Variants in CEP83 observed in about 807,000 individuals in gnomAD.
CEP83 encodes the protein centrosomal protein 83.
In CEP83, 70 loss-of-function variants were observed where a neutral mutation model predicts 101.9. The ratio of observed to expected loss-of-function variants is 0.69; its 90% CI spans 0.57 to 0.84. The LOEUF is 0.84. CEP83 is among the 40% of genes least tolerant of loss of function. The pLI, the probability that CEP83 is intolerant of heterozygous loss-of-function variation, is 0.00. For missense variants in CEP83, 715 were observed against 787.2 expected, an observed-to-expected ratio of 0.91 and a Z score of 1.10; for synonymous variants, 264 against 267.9, an observed-to-expected ratio of 0.99 and a Z score of 0.14.
In CEP83 at chr12:94,312,942, ATTC is replaced by A; in HGVS notation, c.1780_1782del (p.Glu594del). On this transcript the variant is annotated inframe_deletion, in exon 15 of 17. Transcript: ENST00000397809. ...TTTAAGACCTGATTTTCTGTTTCCA[ATTC>A]TTCTTTCTTTGCCTCCAAGACTTCT... The A allele has an allele frequency of 6.3e-7, 1 of 1,586,544 alleles. No homozygotes were observed. Among genetic ancestry groups the A allele is most frequent in the African/African-American group, 1.3e-5 (1 of 74,128 alleles).
chr12:94,282,586 C>T, the CEP83 span, among the ~76,000 whole-genome samples: 1 of 152,238 alleles, frequency 6.6e-6, no homozygotes. Context: ...TCACAGTGTA[C>T]TTGTCACGTA....
the CEP83 span, among the ~76,000 whole-genome samples, chr12:94,289,203 G>C: frequency 1.4e-4 from 21 of 152,062 alleles, 1 homozygote; most frequent in East Asian, 7.7e-4. Context: ...TGTAGCTCCT[G>C]TTTATTTTGG....
At chr12:94,445,124 C>T in intron 1 of CEP83, among the ~76,000 whole-genome samples, 1 of 151,994 alleles carries the variant, frequency 6.6e-6, no homozygotes, top group East Asian at 1.9e-4. Context: ...AGTATTAAAT[C>T]AGTCACAAAA....
At chr12:94,398,869 C>T (rs1367587431) in intron 6 of CEP83, among the ~76,000 whole-genome samples, 4 of 152,042 alleles carry the variant, frequency 2.6e-5, no homozygotes, top group East Asian at 3.9e-4. Context: ...CTGTCTTATG[C>T]GGTTGAGATA....
At chr12:94,426,734 T>C (rs2065229563) in intron 2 of CEP83, among the ~76,000 whole-genome samples, 1 of 152,212 alleles carries the variant, frequency 6.6e-6, no homozygotes, top group Non-Finnish European at 1.5e-5. Flanking sequence ...TGCTGGATTA[T>C]GTATCCAAAA....
chr12:94,377,799 T>A (rs746227936), intron 7 of CEP83, among the ~76,000 whole-genome samples: 5 of 152,220 alleles, frequency 3.3e-5, no homozygotes, highest in African/African-American at 7.2e-5. Flanking sequence ...ATTCTGTCAC[T>A]GTGTAAAATA....
chr12:94,408,574 A>G (rs894325159), intron 4 of CEP83, among the ~76,000 whole-genome samples: 15 of 152,128 alleles, frequency 9.9e-5, no homozygotes, highest in Non-Finnish European at 1.5e-4. Flanking sequence ...ACTAGATCAA[A>G]GTACCATACT....
chr12:94,330,250 C>T (rs928162577), intron 14 of CEP83, among the ~76,000 whole-genome samples: 1 of 152,044 alleles, frequency 6.6e-6, no homozygotes, highest in Non-Finnish European at 1.5e-5. Context: ...CAACTCAAAT[C>T]ATTTGTGGGA....
chr12:94,369,843 A>T, intron 9 of CEP83, 79 bp downstream of exon 9: 1 of 766,102 alleles, frequency 1.3e-6, no homozygotes, highest in Admixed American at 2.4e-5. Flanking sequence ...ATAAAAATTC[A>T]GATTCAACTA....
rs182013092 is a variant in CEP83, at chr12:94,423,610, C to T, written c.-101-11019G>A. ...TTTCCAGGCCCAGGCCTGTGAAAAA[C>T]GATGGCTAAGTGTTAGTCCTTAGCA... On this transcript the variant is annotated intron_variant, in intron 2 of 16. Coordinates refer to ENST00000397809, the MANE Select transcript of CEP83 (RefSeq NM_016122.3). 3,933 of 1,542,778 alleles carry T rather than the reference C, an allele frequency of 2.5e-3. 5 individuals are homozygous for T. Among genetic ancestry groups the T allele is most frequent in the Middle Eastern group, 3.2e-3 (14 of 4,348 alleles).
At chr12:94,271,687 A>G in the CEP83 span, among the ~76,000 whole-genome samples, 2 of 152,238 alleles carry the variant, frequency 1.3e-5, no homozygotes, top group Non-Finnish European at 2.9e-5. Context: ...GTCAGAAAAT[A>G]ATACATGTAC....
intron 6 of CEP83, among the ~76,000 whole-genome samples, chr12:94,393,617 T>C (rs1037561547): frequency 2.0e-5 from 3 of 152,232 alleles, no homozygotes; most frequent in Admixed American, 1.3e-4. Context: ...TTGGACGTTC[T>C]GGCCAGGGCA....
At chr12:94,348,732 G>A (rs1244089839) in intron 11 of CEP83, among the ~76,000 whole-genome samples, 2 of 152,060 alleles carry the variant, frequency 1.3e-5, no homozygotes, top group Non-Finnish European at 1.5e-5. Context: ...TCAGCAAATC[G>A]ATGAGATGCA....
Position 94,426,753 on chromosome 12 carries a change from T to C in CEP83, c.-102+8522A>G, listed in dbSNP as rs77119879. 2.0e-3 allele frequency among the ~76,000 whole-genome samples: 302 copies of C among 152,178 alleles called. 1 individual carries two copies. The highest frequency in any genetic ancestry group is 6.8e-3 in the African/African-American group (283 of 41,502). On this transcript the variant is annotated intron_variant, in intron 2 of 16. Coordinates refer to ENST00000397809, the MANE Select transcript of CEP83 (RefSeq NM_016122.3). The stretch of plus-strand genomic sequence containing the variant: ...GGATTATGTATCCAAAACAATCACA[T>C]GTATCCTTCTAAGAGAGAAGGAGAG...
chr12:94,279,614 C>T, the CEP83 span: 19 of 1,614,118 alleles, frequency 1.2e-5, no homozygotes, highest in Non-Finnish European at 1.5e-5. Flanking sequence ...AAAAATGGCT[C>T]TCCTTATGGA....
chr12:94,346,422 T>C (rs1306972130), intron 11 of CEP83, among the ~76,000 whole-genome samples: 1 of 143,830 alleles, frequency 7.0e-6, no homozygotes, highest in Non-Finnish European at 1.5e-5. Context: ...CACTCCAGCC[T>C]GGGTGACAGA....
rs1010650242 is a variant in CEP83, at chr12:94,421,032, T to C, written c.-101-8441A>G. 1.2e-4 allele frequency among the ~76,000 whole-genome samples: 18 copies of C among 151,964 alleles called. 2 individuals carry two copies. The highest frequency in any genetic ancestry group is 9.8e-4 in the Admixed American group (15 of 15,268). On this transcript the variant is annotated intron_variant, in intron 2 of 16. Transcript: ENST00000397809. ...CTGTACATTGTTGTGTACTTTTCTA[T>C]ATGTATATTATAATTCATAATTTTT...
chr12:94,305,010 C>T (rs1360080379), downstream of CEP83, among the ~76,000 whole-genome samples: 1 of 152,164 alleles, frequency 6.6e-6, no homozygotes, highest in Non-Finnish European at 1.5e-5. Flanking sequence ...ATTGTTGATC[C>T]TGTGATAAGG....
chr12:94,359,013 A>G (rs559685778), intron 11 of CEP83, among the ~76,000 whole-genome samples: 2 of 152,374 alleles, frequency 1.3e-5, no homozygotes, highest in East Asian at 3.9e-4. Flanking sequence ...TTAAGCCACA[A>G]ACAAAAGCCT....
Sources: gnomAD v4.1 joint callset for allele counts (sites outside exome capture counted in the v4.1 genomes callset) on GRCh38, gnomAD v4.1.1 for gene constraint, MANE v1.5 for transcripts, NCBI Gene and HGNC (gene_info 2026-07-23, HGNC 2026-07-21) for gene names.